Variants in GALNT16 observed in about 807,000 individuals in gnomAD.
The protein encoded by GALNT16 is UDP-GalNAc:polypeptide N-acetylgalactosaminyltransferase-like protein 1.
In GALNT16, 40 loss-of-function variants were observed where a neutral mutation model predicts 76.1. That is an observed-to-expected ratio of 0.53 (90% CI 0.41 to 0.68). GALNT16 has a LOEUF of 0.68. Among genes scored for constraint, GALNT16 ranks in the 30% least tolerant of loss-of-function variants. GALNT16 has a pLI of 0.00. For synonymous variants in GALNT16, 276 were observed against 285.2 expected (o/e 0.97, Z 0.32); for missense variants, 621 against 731.9 (o/e 0.85, Z 1.75).
intron 7 of GALNT16, among the ~76,000 whole-genome samples, chr14:69,332,826 C>CTTTT (rs763996589): frequency 8.6e-6 from 1 of 116,004 alleles, no homozygotes; most frequent in East Asian, 2.2e-4. Context: ...TTGTTTTCTT[C>CTTTT]TTTTTTTTTT....
intron 14 of GALNT16, chr14:69,349,138 T>G (rs924629443): frequency 1.3e-5 from 2 of 152,346 alleles, no homozygotes; most frequent in South Asian, 4.1e-4. Context: ...CCCAGCCCAC[T>G]TGCTGGACCT....
downstream of GALNT16, chr14:69,354,470 A>G (rs1255903530): frequency 6.5e-6 from 1 of 152,744 alleles, no homozygotes; most frequent in Non-Finnish European, 1.5e-5. Context: ...ACATGTCCAC[A>G]TGCACCAGCG....
At chr14:69,311,609 C>T (rs991275051) in intron 1 of GALNT16, among the ~76,000 whole-genome samples, 2 of 152,188 alleles carry the variant, frequency 1.3e-5, no homozygotes, top group African/African-American at 4.8e-5. Context: ...GAGAGTATAA[C>T]CTAACCGATT....
rs572088656 is a variant in GALNT16, at chr14:69,282,591, TGTATCTGCTCTAAGTGCAGGCCCC to T, written c.177+22146_177+22169del. Among the ~76,000 whole-genome samples, 265 of 152,264 alleles carry T rather than the reference TGTATCTGCTCTAAGTGCAGGCCCC, an allele frequency of 1.7e-3. 2 individuals are homozygous for T. Among genetic ancestry groups the T allele is most frequent in the Middle Eastern group, 3.4e-3 (1 of 294 alleles). ...CCTGTATCTGCCTAAGTGCGGGCCC[TGTATCTGCTCTAAGTGCAGGCCCC>T]GTATCTGCTCTAAGTGCAGGCTTAA... On this transcript the variant is annotated intron_variant, in intron 1 of 14. Coordinates refer to ENST00000448469, the MANE Select transcript of GALNT16 (RefSeq NM_001168368.2).
chr14:69,316,356 T>A (rs775859519), intron 1 of GALNT16, among the ~76,000 whole-genome samples: 2 of 152,196 alleles, frequency 1.3e-5, no homozygotes, highest in Non-Finnish European at 2.9e-5. Flanking sequence ...CTCTGGGCTT[T>A]GGGATTCAGC....
intron 1 of GALNT16, among the ~76,000 whole-genome samples, chr14:69,269,180 T>C (rs138734328): frequency 2.0e-4 from 30 of 152,210 alleles, no homozygotes; most frequent in African/African-American, 7.2e-4. Context: ...TATAAAAGCG[T>C]TGGTTCCTAA....
At chr14:69,338,284 A>C (rs1460875228) in intron 9 of GALNT16, among the ~76,000 whole-genome samples, 1 of 152,166 alleles carries the variant, frequency 6.6e-6, no homozygotes, top group Non-Finnish European at 1.5e-5. Flanking sequence ...TGACGAGCAG[A>C]TGTGTTTTTC....
chr14:69,338,620 T>TCCTCCTCC, intron 9 of GALNT16, 31 bp from the exon 10 acceptor site: 2 of 1,604,716 alleles, frequency 1.2e-6, no homozygotes, highest in Non-Finnish European at 1.7e-6. Flanking sequence ...AGGAACCCCT[T>TCCTCCTCC]CCTCCTCCTG....
chr14:69,331,342 A>T (rs1225396753), intron 6 of GALNT16, 122 bp from the exon 7 acceptor site: 1 of 697,242 alleles, frequency 1.4e-6, no homozygotes, highest in African/African-American at 1.7e-5. Flanking sequence ...GGCCCTGGGC[A>T]TACCCTGCAG....
the GALNT16 span, among the ~76,000 whole-genome samples, chr14:69,375,542 A>T: frequency 6.6e-6 from 1 of 152,242 alleles, no homozygotes; most frequent in Non-Finnish European, 1.5e-5. Context: ...TAACATTACC[A>T]TGGCAACTCC....
At chr14:69,330,476 C>G (rs1206955612) in intron 6 of GALNT16, among the ~76,000 whole-genome samples, 3 of 152,176 alleles carry the variant, frequency 2.0e-5, no homozygotes, top group Non-Finnish European at 4.4e-5. Flanking sequence ...ATACTAAAAA[C>G]CATCAATTGT....
chr14:69,378,435 CCAAT>C, the GALNT16 span, among the ~76,000 whole-genome samples: 1 of 152,142 alleles, frequency 6.6e-6, no homozygotes, highest in African/African-American at 2.4e-5. Flanking sequence ...TGGGGAAAGG[CCAAT>C]CAACCAACAC....
chr14:69,295,089 A>G (rs1489549062), intron 1 of GALNT16, among the ~76,000 whole-genome samples: 19 of 152,206 alleles, frequency 1.2e-4, no homozygotes, highest in Non-Finnish European at 2.8e-4. Context: ...TAAACATACA[A>G]TGAACCCCCA....
chr14:69,265,686 C>T (rs923758086), intron 1 of GALNT16, among the ~76,000 whole-genome samples: 2 of 152,188 alleles, frequency 1.3e-5, no homozygotes, highest in Non-Finnish European at 2.9e-5. Flanking sequence ...GCTAAACAGA[C>T]GTGGAAAGGA....
At chr14:69,375,978 G>A in the GALNT16 span, among the ~76,000 whole-genome samples, 17 of 151,670 alleles carry the variant, frequency 1.1e-4, no homozygotes, top group Admixed American at 6.6e-4. Context: ...TACCGTCGAC[G>A]TTAAAAAACA....
intron 2 of GALNT16, among the ~76,000 whole-genome samples, chr14:69,324,456 G>T (rs2045249974): frequency 6.6e-6 from 1 of 152,070 alleles, no homozygotes; most frequent in African/African-American, 2.4e-5. Flanking sequence ...CCAGGCCTTG[G>T]AAGGTCTCCC....
rs1389564614 is a variant in GALNT16 at position 69,261,858 on chromosome 14, G to C, written c.177+1391G>C. On this transcript the variant is annotated intron_variant, in intron 1 of 14. Transcript: ENST00000448469. This position sits in a 1 kb window ranked among gnomAD's most constrained non-coding sequence, Gnocchi z 6.4. ...AGATACCAGTCTGGGTGAACTCTCT[G>C]GGGGCAAGCCTGATTAGGTGCACTG... 6.6e-6 allele frequency among the ~76,000 whole-genome samples: 1 copy of C among 152,168 alleles called. No homozygotes were observed. Among genetic ancestry groups the C allele is most frequent in the Non-Finnish European group, 1.5e-5 (1 of 68,026 alleles).
chr14:69,336,272 G>T (rs557487371), intron 9 of GALNT16, among the ~76,000 whole-genome samples: 30 of 152,324 alleles, frequency 2.0e-4, no homozygotes, highest in Non-Finnish European at 3.4e-4. Flanking sequence ...ACCAGGCCCG[G>T]CTAATTTTTG....
intron 12 of GALNT16, among the ~76,000 whole-genome samples, chr14:69,343,053 A>G (rs1431924064): frequency 6.6e-6 from 1 of 152,268 alleles, no homozygotes; most frequent in African/African-American, 2.4e-5. Flanking sequence ...AGCACCTGGA[A>G]CAGTGCCTGT....
Sources: allele counts gnomAD v4.1 joint callset (sites outside exome capture counted in the v4.1 genomes callset), GRCh38; gene constraint gnomAD v4.1.1; non-coding constraint Gnocchi (gnomAD v3.1); transcripts MANE v1.5; gene names NCBI Gene and HGNC (gene_info 2026-07-23, HGNC 2026-07-21).